The following IGSF11 variants were observed in gnomAD, a reference collection of about 807,000 sequenced individuals.
IGSF11 encodes immunoglobulin superfamily member 11.
Under a neutral mutation model 41.0 loss-of-function variants are expected in IGSF11, and 22 were observed. That is an observed-to-expected ratio of 0.54 (90% CI 0.38 to 0.77). The LOEUF (loss-of-function observed/expected upper bound fraction) is 0.77. IGSF11 is among the 30% of genes least tolerant of loss of function. IGSF11 has a pLI of 0.00. For missense variants in IGSF11, 444 were observed against 530.8 expected (o/e 0.84, Z 1.61); for synonymous variants, 219 against 201.3 (o/e 1.09, Z -0.74).
chr3:119,025,711 C>A (rs1029871991), intron 1 of IGSF11, among the ~76,000 whole-genome samples: 2 of 151,792 alleles, frequency 1.3e-5, no homozygotes, highest in African/African-American at 2.4e-5. Flanking sequence ...GTTTGAATTA[C>A]GACAATGCTT....
chr3:118,956,595 A>G (rs536105967), intron 1 of IGSF11, among the ~76,000 whole-genome samples: 1 of 152,310 alleles, frequency 6.6e-6, no homozygotes, highest in Non-Finnish European at 1.5e-5. Context: ...GAGCAGTCGG[A>G]ACACACACAG....
intron 1 of IGSF11, among the ~76,000 whole-genome samples, chr3:118,953,003 G>A (rs1944682167): frequency 1.3e-5 from 2 of 152,024 alleles, no homozygotes; most frequent in Non-Finnish European, 2.9e-5. Flanking sequence ...CCCATCACCT[G>A]AGCAGTATAC....
intron 1 of IGSF11, among the ~76,000 whole-genome samples, chr3:119,086,761 G>C (rs1559859575): frequency 1.3e-5 from 2 of 152,314 alleles, no homozygotes; most frequent in South Asian, 4.1e-4. Context: ...CCTTAAGGGA[G>C]TGCTAAACAT....
chr3:119,106,501 A>G (rs2077027535), upstream of IGSF11, among the ~76,000 whole-genome samples: 1 of 152,154 alleles, frequency 6.6e-6, no homozygotes, highest in Admixed American at 6.5e-5. Context: ...ATAATGACCT[A>G]CAGTTCCATC....
intron 1 of IGSF11, among the ~76,000 whole-genome samples, chr3:118,985,087 ATTACT>A (rs563853173): frequency 5.9e-5 from 9 of 152,182 alleles, no homozygotes; most frequent in Admixed American, 2.6e-4. Context: ...ATAATAATAA[ATTACT>A]TTAAAGCACT....
intron 1 of IGSF11, among the ~76,000 whole-genome samples, chr3:119,104,396 GTTC>G (rs1214279141): frequency 6.6e-6 from 1 of 152,044 alleles, no homozygotes; most frequent in East Asian, 1.9e-4. Context: ...CATGTAATAT[GTTC>G]TTCTCTTTGC....
chr3:118,947,447 T>C (rs1259791137), intron 1 of IGSF11: 1 of 152,208 alleles, frequency 6.6e-6, no homozygotes. Context: ...CAAGAAATGA[T>C]TTTGTTATAA....
intron 1 of IGSF11, among the ~76,000 whole-genome samples, chr3:119,031,298 G>T (rs1466693390): frequency 6.6e-6 from 1 of 151,882 alleles, no homozygotes; most frequent in Non-Finnish European, 1.5e-5. Flanking sequence ...AGTAGTTATG[G>T]ATGAAAAGTT....
chr3:119,133,134 C>A (rs2077507815), intron 1 of IGSF11, among the ~76,000 whole-genome samples: 1 of 152,064 alleles, frequency 6.6e-6, no homozygotes, highest in South Asian at 2.1e-4. Flanking sequence ...AAAATCAACA[C>A]CATAACATCA....
chr3:118,939,645 T>A (rs1448251877), intron 1 of IGSF11, among the ~76,000 whole-genome samples: 2 of 151,288 alleles, frequency 1.3e-5, no homozygotes, highest in Admixed American at 1.3e-4. Context: ...TTAGAAAATA[T>A]TTTTAATTAT....
At chr3:119,069,208 G>A (rs372745801) in intron 1 of IGSF11, among the ~76,000 whole-genome samples, 3 of 152,086 alleles carry the variant, frequency 2.0e-5, no homozygotes, top group South Asian at 2.1e-4. Flanking sequence ...GATTACAGGC[G>A]TGAGCCACTG....
At chr3:119,114,515 A>G (rs991418565) in intron 1 of IGSF11, among the ~76,000 whole-genome samples, 1 of 152,208 alleles carries the variant, frequency 6.6e-6, no homozygotes, top group Non-Finnish European at 1.5e-5. Context: ...CTCTTTGATA[A>G]CACATAACAA....
intron 4 of IGSF11, among the ~76,000 whole-genome samples, chr3:118,920,256 A>AT (rs1182119862): frequency 1.5e-5 from 2 of 137,652 alleles, no homozygotes; most frequent in African/African-American, 2.5e-5. Flanking sequence ...AACTTAAAGT[A>AT]TAAAAAAAAA....
At chr3:119,005,144 C>T (rs1346284316) in intron 1 of IGSF11, among the ~76,000 whole-genome samples, 1 of 147,034 alleles carries the variant, frequency 6.8e-6, no homozygotes, top group Non-Finnish European at 1.5e-5. Context: ...AATCAGGGTG[C>T]TCCTGTATTG....
chr3:118,910,911 G>A (rs1940192452), intron 4 of IGSF11, among the ~76,000 whole-genome samples: 1 of 152,068 alleles, frequency 6.6e-6, no homozygotes, highest in African/African-American at 2.4e-5. Context: ...GACTCTTCAG[G>A]AACAAGTAAT....
chr3:119,033,328 A>G (rs578047070), intron 1 of IGSF11, among the ~76,000 whole-genome samples: 13 of 152,348 alleles, frequency 8.5e-5, no homozygotes, highest in Non-Finnish European at 1.8e-4. Flanking sequence ...GACAGAGAGA[A>G]AAACTGGCCA....
At chr3:118,934,928 C>T (rs1943125797) in intron 1 of IGSF11, among the ~76,000 whole-genome samples, 1 of 152,080 alleles carries the variant, frequency 6.6e-6, no homozygotes, top group African/African-American at 2.4e-5. Context: ...CAAACCTCAA[C>T]TTCTTTACTT....
intron 4 of IGSF11, among the ~76,000 whole-genome samples, chr3:118,923,149 C>A (rs1232163020): frequency 1.3e-5 from 2 of 152,152 alleles, no homozygotes; most frequent in South Asian, 4.1e-4. Context: ...CCTTGGGGAA[C>A]TGGCTTTCAA....
At chr3:118,976,266 C>T (rs1448241802) in intron 1 of IGSF11, among the ~76,000 whole-genome samples, 1 of 152,194 alleles carries the variant, frequency 6.6e-6, no homozygotes, top group Non-Finnish European at 1.5e-5. Flanking sequence ...AGTCAATGTC[C>T]AAAAATGAAG....
Sources: gnomAD v4.1 joint callset for allele counts (sites outside exome capture counted in the v4.1 genomes callset) on GRCh38, gnomAD v4.1.1 for gene constraint, MANE v1.5 for transcripts, NCBI Gene and HGNC (gene_info 2026-07-23, HGNC 2026-07-21) for gene names.